FTCDNL1: variants seen among roughly 807,000 people sequenced by gnomAD.
FTCDNL1 encodes the protein formiminotransferase cyclodeaminase N-terminal like.
In FTCDNL1, 11 loss-of-function variants were observed where a neutral mutation model predicts 5.9. The ratio of observed to expected loss-of-function variants is 1.87; its 90% CI spans 1.18 to 3.10. The LOEUF is 3.10. FTCDNL1 is among the 30% of genes most tolerant of loss of function. The pLI is 0.00. For missense variants in FTCDNL1, 115 were observed against 65.5 expected (o/e 1.76, Z -2.61); for synonymous variants, 58 against 24.8 (o/e 2.34, Z -3.99).
the FTCDNL1 span, among the ~76,000 whole-genome samples, chr2:199,671,188 CT>C: frequency 1.1e-4 from 17 of 150,950 alleles, no homozygotes; most frequent in African/African-American, 3.9e-4. Context: ...AAAAGGTAGC[CT>C]TCTAGGAGCT....
At chr2:199,761,702 A>G (rs1443177589) in intron 3 of FTCDNL1, among the ~76,000 whole-genome samples, 3 of 152,118 alleles carry the variant, frequency 2.0e-5, no homozygotes, top group African/African-American at 7.2e-5. Flanking sequence ...CCAAGCCCCA[A>G]CATCTTCATC....
the FTCDNL1 span, among the ~76,000 whole-genome samples, chr2:199,731,399 C>T: frequency 6.6e-6 from 1 of 152,152 alleles, no homozygotes; most frequent in African/African-American, 2.4e-5. Context: ...CAATGACCAA[C>T]CTAATTGAGA....
the FTCDNL1 span, among the ~76,000 whole-genome samples, chr2:199,681,236 C>T: frequency 2.0e-5 from 3 of 151,670 alleles, no homozygotes; most frequent in Admixed American, 6.6e-5. Flanking sequence ...GGTGGATCAC[C>T]TGAGGTCAGG....
chr2:199,682,317 G>A, the FTCDNL1 span, among the ~76,000 whole-genome samples: 8 of 152,116 alleles, frequency 5.3e-5, no homozygotes, highest in Admixed American at 1.3e-4. Context: ...CTGGGTCTCC[G>A]GCCTGCCCAC....
intron 1 of FTCDNL1, among the ~76,000 whole-genome samples, chr2:199,850,394 G>A (rs935260858): frequency 6.6e-6 from 1 of 152,202 alleles, no homozygotes; most frequent in African/African-American, 2.4e-5. Flanking sequence ...AACAAATGGT[G>A]TTTATGGCAA....
At chr2:199,719,783 C>G in the FTCDNL1 span, among the ~76,000 whole-genome samples, 12 of 151,924 alleles carry the variant, frequency 7.9e-5, no homozygotes, top group African/African-American at 2.9e-4. Flanking sequence ...TACAGCTATG[C>G]ACCACCACAC....
chr2:199,721,401 G>T, the FTCDNL1 span, among the ~76,000 whole-genome samples: 1,299 of 152,224 alleles, frequency 8.5e-3, 12 homozygotes, highest in Non-Finnish European at 0.015. Context: ...TTAGTTTGTT[G>T]AGGATAATGG....
chr2:199,801,905 TC>T (rs539731046), intron 3 of FTCDNL1, among the ~76,000 whole-genome samples: 135 of 146,196 alleles, frequency 9.2e-4, no homozygotes, highest in Middle Eastern at 3.7e-3. Flanking sequence ...GCCACTGCAC[TC>T]CAGCCTGGGC....
the FTCDNL1 span, among the ~76,000 whole-genome samples, chr2:199,724,934 T>C: frequency 6.6e-6 from 1 of 151,378 alleles, no homozygotes; most frequent in Non-Finnish European, 1.5e-5. Flanking sequence ...GTCCTGAATA[T>C]CTTTAAAAAA....
chr2:199,824,201 C>A (rs564033174), intron 3 of FTCDNL1, among the ~76,000 whole-genome samples: 5 of 152,218 alleles, frequency 3.3e-5, no homozygotes, highest in Non-Finnish European at 7.3e-5. Flanking sequence ...CTTTACCTTG[C>A]ACTTTTATGT....
At chr2:199,737,645 C>T in the FTCDNL1 span, among the ~76,000 whole-genome samples, 3 of 152,240 alleles carry the variant, frequency 2.0e-5, no homozygotes, top group South Asian at 2.1e-4. Flanking sequence ...TTGTGTGTCA[C>T]GCCTGGGGCC....
At chr2:199,797,324 C>A (rs1014080110) in intron 3 of FTCDNL1, among the ~76,000 whole-genome samples, 2 of 152,116 alleles carry the variant, frequency 1.3e-5, no homozygotes, top group African/African-American at 2.4e-5. Context: ...TCTAAGTAAG[C>A]AGAAAGCTAC....
the FTCDNL1 span, among the ~76,000 whole-genome samples, chr2:199,727,432 A>G: frequency 3.6e-3 from 543 of 152,304 alleles, 3 homozygotes; most frequent in African/African-American, 0.012. Flanking sequence ...CTCCTGATCC[A>G]TGGGTTGCAC....
intron 3 of FTCDNL1, among the ~76,000 whole-genome samples, chr2:199,771,593 A>C (rs928146170): frequency 1.3e-5 from 2 of 152,228 alleles, no homozygotes; most frequent in African/African-American, 4.8e-5. Flanking sequence ...GGTATAAAAG[A>C]ACAAAAGCAA....
intron 4 of FTCDNL1, among the ~76,000 whole-genome samples, chr2:199,813,491 A>G (rs905991807): frequency 2.6e-5 from 4 of 152,200 alleles, no homozygotes; most frequent in African/African-American, 9.6e-5. Flanking sequence ...ATACATGAGG[A>G]GAGAGCTGGG....
At chr2:199,717,300 A>G in the FTCDNL1 span, among the ~76,000 whole-genome samples, 81 of 152,166 alleles carry the variant, frequency 5.3e-4, no homozygotes, top group African/African-American at 1.8e-3. Flanking sequence ...CCATCAACAC[A>G]AGGGTGTCTT....
chr2:199,797,471 T>C (rs1176622105), intron 3 of FTCDNL1, among the ~76,000 whole-genome samples: 5 of 152,208 alleles, frequency 3.3e-5, no homozygotes, highest in Non-Finnish European at 7.3e-5. Flanking sequence ...CTCATTTTAC[T>C]ATTTAATAGA....
rs866605332 is a variant in FTCDNL1, at chr2:199,765,534, A to T, written c.212-4699T>A. ...GTGGCATCTCTTTTTTGTCTTCATT[A>T]TATATATATATATATATATATATTT... On this transcript the variant is annotated intron_variant, in intron 3 of 3. Coordinates refer to the FTCDNL1 transcript ENST00000416668. Among the ~76,000 whole-genome samples the T allele has an allele frequency of 4.9e-3, 364 of 74,036 alleles. 4 individuals are homozygous for T. Among genetic ancestry groups the T allele is most frequent in the African/African-American group, 0.014 (350 of 25,204 alleles). 48.6% of individuals were successfully genotyped at this position (74,036 alleles called of 152,430 possible).
the FTCDNL1 span, among the ~76,000 whole-genome samples, chr2:199,678,836 T>C: frequency 1.3e-5 from 2 of 152,142 alleles, no homozygotes; most frequent in African/African-American, 4.8e-5. Flanking sequence ...TAATTACTAC[T>C]TTATTCTGAA....
Sources: allele counts gnomAD v4.1 joint callset (sites outside exome capture counted in the v4.1 genomes callset), GRCh38; gene constraint gnomAD v4.1.1; transcripts MANE v1.5; gene names NCBI Gene and HGNC (gene_info 2026-07-23, HGNC 2026-07-21).